TRHDE: variants seen among roughly 807,000 people sequenced by gnomAD.
The protein encoded by TRHDE is thyrotropin-releasing hormone-degrading ectoenzyme.
TRHDE carries 72 observed loss-of-function variants against 125.7 expected under a neutral mutation model. The observed-to-expected ratio is 0.57, with a 90% CI of 0.47 to 0.70. The LOEUF (loss-of-function observed/expected upper bound fraction) is 0.70, where lower values mean the gene tolerates loss of function less well. TRHDE is among the 30% of genes least tolerant of loss of function. The pLI is 0.00. For synonymous variants in TRHDE, 509 were observed against 509.1 expected (o/e 1.00, Z 0.00); for missense variants, 1,110 against 1,327.1 (o/e 0.84, Z 2.54).
rs573974193 is a variant in TRHDE, at chr12:72,183,218, G to A, written n.279+77466G>A. On this transcript the variant is annotated intron_variant and non_coding_transcript_variant, in intron 2 of 4. Transcript: ENST00000548156. ...AAAACTTTATTATGTGCTCAACACT[G>A]TGTTATGTACCCGATAATCTTGAGT... Among the ~76,000 whole-genome samples, 8 of 152,166 alleles carry A rather than the reference G, an allele frequency of 5.3e-5. 1 individual carries two copies. The East Asian group carries it at 1.5e-3, about 29-fold the overall frequency.
At chr12:72,205,507 C>T (rs1877647383) in intron 2 of TRHDE, among the ~76,000 whole-genome samples, 1 of 152,104 alleles carries the variant, frequency 6.6e-6, no homozygotes, top group African/African-American at 2.4e-5. Flanking sequence ...AAAAACAACT[C>T]TCCATTTCCC....
At chr12:72,442,675 G>A (rs553427632) in intron 3 of TRHDE, among the ~76,000 whole-genome samples, 6 of 151,694 alleles carry the variant, frequency 4.0e-5, no homozygotes, top group South Asian at 2.1e-4. Flanking sequence ...AACAGCATTC[G>A]GCTTCCCTGC....
intron 7 of TRHDE, among the ~76,000 whole-genome samples, 191 bp from the exon 8 acceptor site, chr12:72,561,974 C>T (rs1051865298): frequency 6.6e-5 from 10 of 151,886 alleles, no homozygotes; most frequent in East Asian, 3.8e-4. Context: ...TAATATTGTT[C>T]GACGACTTAA....
chr12:72,663,430 G>GT lies in TRHDE; in HGVS notation c.*235_*236insT. The GT allele has an allele frequency of 2.9e-6, 1 of 345,824 alleles. No individual in the cohort carries two copies. 21.4% of individuals were successfully genotyped at this position (345,824 alleles called of 1,614,324 possible). On this transcript the variant is annotated 3_prime_UTR_variant, in exon 19 of 19. Coordinates refer to ENST00000261180, the MANE Select transcript of TRHDE (RefSeq NM_013381.3). ...CCTCTCTAAAGAAACTCTTGCAAGTGAAACTAGCCATGATTGCTTCAGCTG... is the reference window on the plus strand; with the variant it reads ...CCTCTCTAAAGAAACTCTTGCAAGTGTAAACTAGCCATGATTGCTTCAGCTG...
chr12:72,339,176 A>AT (rs992094646), intron 2 of TRHDE, among the ~76,000 whole-genome samples: 4 of 151,994 alleles, frequency 2.6e-5, no homozygotes, highest in Non-Finnish European at 5.9e-5. Flanking sequence ...TACTCCCATA[A>AT]TTTTTTCCTT....
chr12:72,424,653 T>C (rs1394128552), intron 3 of TRHDE, among the ~76,000 whole-genome samples: 2 of 152,180 alleles, frequency 1.3e-5, no homozygotes, highest in Admixed American at 1.3e-4. Context: ...CTGTCTCTTC[T>C]TGCTAAATTC....
intron 2 of TRHDE, among the ~76,000 whole-genome samples, chr12:72,314,979 T>A (rs1021848872): frequency 1.3e-5 from 2 of 152,226 alleles, no homozygotes; most frequent in African/African-American, 4.8e-5. Context: ...CATGTTTTAA[T>A]TGCAAATTTA....
chr12:72,353,163 A>G (rs1368429817), intron 2 of TRHDE, among the ~76,000 whole-genome samples: 1 of 151,732 alleles, frequency 6.6e-6, no homozygotes, highest in East Asian at 1.9e-4. Context: ...TTAAAAATAC[A>G]TTGACATTCA....
intron 18 of TRHDE, among the ~76,000 whole-genome samples, chr12:72,661,604 T>C (rs1025912024): frequency 6.6e-6 from 1 of 152,156 alleles, no homozygotes; most frequent in Non-Finnish European, 1.5e-5. Flanking sequence ...TGTATTCTTG[T>C]GTTAATCAGA....
At chr12:72,597,792 T>C (rs1344504132) in intron 12 of TRHDE, among the ~76,000 whole-genome samples, 1 of 143,618 alleles carries the variant, frequency 7.0e-6, no homozygotes, top group Non-Finnish European at 1.5e-5. Context: ...TATATAGATA[T>C]ATATTCTGAA....
chr12:72,314,010 A>G (rs958847528), intron 2 of TRHDE, among the ~76,000 whole-genome samples: 3 of 152,174 alleles, frequency 2.0e-5, no homozygotes, highest in African/African-American at 7.2e-5. Flanking sequence ...GCCTATATGT[A>G]AATGAAGCTC....
At chr12:72,389,061 G>A (rs1872536466) in intron 3 of TRHDE, among the ~76,000 whole-genome samples, 1 of 151,994 alleles carries the variant, frequency 6.6e-6, no homozygotes, top group African/African-American at 2.4e-5. Context: ...TAATACGGGA[G>A]AGAGGCAGAA....
At chr12:72,192,840 C>A (rs897920810) in intron 2 of TRHDE, among the ~76,000 whole-genome samples, 1 of 151,996 alleles carries the variant, frequency 6.6e-6, no homozygotes, top group African/African-American at 2.4e-5. Flanking sequence ...GCAAATGAGT[C>A]TAGATCCAAT....
chr12:72,511,936 A>C (rs1878597816), intron 6 of TRHDE, among the ~76,000 whole-genome samples: 1 of 152,130 alleles, frequency 6.6e-6, no homozygotes, highest in South Asian at 2.1e-4. Context: ...TATTCAAAGG[A>C]TTCTTGTTAT....
intron 1 of TRHDE, among the ~76,000 whole-genome samples, chr12:72,284,119 A>G (rs1879793312): frequency 6.6e-6 from 1 of 152,106 alleles, no homozygotes; most frequent in Non-Finnish European, 1.5e-5. Context: ...AACGTTTTTT[A>G]TTAGGATTTT....
intron 1 of TRHDE, among the ~76,000 whole-genome samples, chr12:72,103,220 A>T (rs1875108476): frequency 6.6e-6 from 1 of 152,238 alleles, no homozygotes; most frequent in African/African-American, 2.4e-5. Context: ...TTTGAAAAGT[A>T]AAGAAGGAGA....
intron 2 of TRHDE, among the ~76,000 whole-genome samples, chr12:72,341,917 T>C (rs1047407024): frequency 1.3e-5 from 2 of 152,116 alleles, no homozygotes; most frequent in Non-Finnish European, 2.9e-5. Flanking sequence ...GAAGGAATGT[T>C]TGAAAATGAT....
intron 5 of TRHDE, among the ~76,000 whole-genome samples, chr12:72,490,459 C>A (rs1468073302): frequency 6.6e-6 from 1 of 151,674 alleles, no homozygotes; most frequent in African/African-American, 2.4e-5. Context: ...CCCAGCAATC[C>A]CTCTTCTGCA....
chr12:72,455,932 A>G (rs1034673675), intron 3 of TRHDE, among the ~76,000 whole-genome samples: 6 of 152,190 alleles, frequency 3.9e-5, no homozygotes, highest in Admixed American at 3.3e-4. Flanking sequence ...ATATACTCAT[A>G]GAATTCAACG....
Sources: allele counts gnomAD v4.1 joint callset (sites outside exome capture counted in the v4.1 genomes callset), GRCh38; gene constraint gnomAD v4.1.1; transcripts MANE v1.5; gene names NCBI Gene and HGNC (gene_info 2026-07-23, HGNC 2026-07-21).